Variants in FGR observed in about 807,000 individuals in gnomAD.
FGR encodes tyrosine-protein kinase Fgr.
Under a neutral mutation model 63.2 loss-of-function variants are expected in FGR, and 26 were observed. That is an observed-to-expected ratio of 0.41 (90% CI 0.30 to 0.57). The LOEUF is 0.57. Among genes scored for constraint, FGR ranks in the 20% least tolerant of loss-of-function variants. FGR has a pLI of 0.27. For synonymous variants in FGR, 286 were observed against 277.7 expected, an observed-to-expected ratio of 1.03 and a Z score of -0.30; for missense variants, 511 against 690.8, an observed-to-expected ratio of 0.74 and a Z score of 2.92.
intron 5 of FGR, among the ~76,000 whole-genome samples, chr1:27,620,011 A>G (rs2148526734): frequency 6.6e-6 from 1 of 152,232 alleles, no homozygotes; most frequent in East Asian, 1.9e-4. Context: ...CATCTGTAAA[A>G]TGGGAACAAT....
At chr1:27,623,196 G>A in intron 3 of FGR, 52 bp from the exon 4 acceptor site, 1 of 1,379,482 alleles carries the variant, frequency 7.2e-7, no homozygotes, top group South Asian at 1.2e-5. Context: ...GAAGCACCAA[G>A]GGGGCTGCAC....
intron 11 of FGR, among the ~76,000 whole-genome samples, 191 bp from the exon 12 acceptor site, chr1:27,613,541 A>C (rs1318710980): frequency 6.6e-6 from 1 of 152,028 alleles, no homozygotes; most frequent in Non-Finnish European, 1.5e-5. Context: ...TGTCTCTACT[A>C]AAAATACAAA....
intron 4 of FGR, 75 bp downstream of exon 4, chr1:27,622,967 G>A (rs1057510509): frequency 5.8e-6 from 6 of 1,032,588 alleles, no homozygotes; most frequent in South Asian, 1.3e-5. Context: ...CTGAGGCTAG[G>A]GACCAGGTGG....
chr1:27,618,309 A>G (rs2089854732), intron 5 of FGR, among the ~76,000 whole-genome samples: 1 of 152,190 alleles, frequency 6.6e-6, no homozygotes, highest in Non-Finnish European at 1.5e-5. Flanking sequence ...AATAATCACT[A>G]TAATAATAAC....
rs183900981 is a variant in FGR at position 27,625,668 on chromosome 1, C to T, written c.-76-517G>A. On this transcript the variant is annotated intron_variant, in intron 1 of 12. Transcript: ENST00000374005. The stretch of plus-strand genomic sequence containing the variant: ...AAAAACCAGTTCTTCCGGCCAGGCG[C>T]AGTGGCTCACGCCTATAATCCCAGC... 6.2e-4 allele frequency among the ~76,000 whole-genome samples: 95 copies of T among 152,342 alleles called. 1 individual carries two copies. Among genetic ancestry groups the T allele is most frequent in the African/African-American group, 2.2e-3 (91 of 41,568 alleles).
chr1:27,617,307 A>G lies in FGR; in HGVS notation c.429-11T>C, dbSNP rs1416900743. 1 of 1,606,896 alleles carries G rather than the reference A, an allele frequency of 6.2e-7. No individual in the cohort carries two copies. Among genetic ancestry groups the G allele is most frequent in the Non-Finnish European group, 8.5e-7 (1 of 1,173,602 alleles). On this transcript the variant is annotated splice_polypyrimidine_tract_variant and intron_variant, in intron 5 of 12. Transcript: ENST00000374005. The surrounding 1 kb of genome is among the most constrained non-coding windows in gnomAD (Gnocchi z 4.5). ...TTTCCAAAGTACCACCTGTTGGGAAAGGCAGGCAAGAGTCAGGTACGCTCT... is the reference window on the plus strand; with the variant it reads ...TTTCCAAAGTACCACCTGTTGGGAAGGGCAGGCAAGAGTCAGGTACGCTCT...
chr1:27,614,387 T>A, intron 11 of FGR, 43 bp downstream of exon 11: 1 of 1,592,532 alleles, frequency 6.3e-7, no homozygotes, highest in Non-Finnish European at 8.6e-7. Flanking sequence ...GGAAGTCCCT[T>A]GTTGCATGGG....
chr1:27,612,886 C>T lies in FGR; in HGVS notation c.*28G>A, dbSNP rs377401415. 59 of 1,599,406 alleles carry T rather than the reference C, an allele frequency of 3.7e-5. 1 individual carries two copies. The highest frequency in any genetic ancestry group is 9.0e-5 in the East Asian group (4 of 44,564). On this transcript the variant is annotated 3_prime_UTR_variant, in exon 13 of 13. Transcript: ENST00000374005. ...GGGATTGGCAAGGACTGGTGGCCACCGCCAGAGAGGGTTGATGCCCGGACA... is the reference window on the plus strand; with the variant it reads ...GGGATTGGCAAGGACTGGTGGCCACTGCCAGAGAGGGTTGATGCCCGGACA...
At chr1:27,619,484 C>T (rs2089880872) in intron 5 of FGR, among the ~76,000 whole-genome samples, 1 of 152,212 alleles carries the variant, frequency 6.6e-6, no homozygotes, top group Admixed American at 6.5e-5. Context: ...TGTCACCGCC[C>T]CCAGCCCCCT....
chr1:27,627,987 G>A (rs2090047968), intron 1 of FGR, among the ~76,000 whole-genome samples: 1 of 152,034 alleles, frequency 6.6e-6, no homozygotes, highest in African/African-American at 2.4e-5. Flanking sequence ...AGTCACAGTG[G>A]CTCATATCTG....
At position 27,613,264 on chromosome 1, in the gene FGR, T is replaced by C. The variant is rs1444183227; in HGVS notation, c.1336A>G (p.Ile446Val). Residue 446 changes from isoleucine (I) to valine (V), a missense_variant, in exon 12 of 13, where the codon ATC (isoleucine) becomes GTC (valine). By Grantham distance (29) the Ile-to-Val change is conservative. Coordinates refer to ENST00000374005, the MANE Select transcript of FGR (RefSeq NM_005248.3). ...TTGGTGATGAGCTCAGTGAGCAGGA[T>C]CCCAAAGGACCACACGTCTGACTTG... is the stretch of plus-strand genomic sequence containing the variant. ...TIKSDVWSFG[I>V]LLTELITKGR... 2 of 1,613,972 alleles carry C rather than the reference T, an allele frequency of 1.2e-6. No individual in the cohort carries two copies. Among genetic ancestry groups the C allele is most frequent in the Non-Finnish European group, 1.7e-6 (2 of 1,180,026 alleles).
At chr1:27,629,167 G>A (rs1450450601) in intron 1 of FGR, among the ~76,000 whole-genome samples, 1 of 151,848 alleles carries the variant, frequency 6.6e-6, no homozygotes, top group Non-Finnish European at 1.5e-5. Context: ...AAGAGACAGA[G>A]ACAGAGAAAC....
chr1:27,612,963 T>A lies in FGR; in HGVS notation c.1541A>T (p.Asp514Val). The change falls in exon 13 of 13, where the codon GAC (aspartate) becomes GTC (valine). Residue 514 changes from aspartate (D) to valine (V), a missense_variant. Coordinates refer to ENST00000374005, the MANE Select transcript of FGR (RefSeq NM_005248.3). Reference protein sequence around the residue: ...TFEYLQSFLEDYFTSAEPQYQ... With the variant: ...TFEYLQSFLEVYFTSAEPQYQ... ...CTGTGGTTCAGCGGAGGTGAAGTAG[T>A]CCTCCAGGAAGGACTGCAGGTACTC... 6.2e-7 allele frequency: 1 copy of A among 1,614,154 alleles called. No individual in the cohort carries two copies. Among genetic ancestry groups the A allele is most frequent in the Non-Finnish European group, 8.5e-7 (1 of 1,180,026 alleles).
intron 5 of FGR, among the ~76,000 whole-genome samples, chr1:27,619,918 G>T (rs2089888750): frequency 6.6e-6 from 1 of 152,184 alleles, no homozygotes; most frequent in African/African-American, 2.4e-5. Flanking sequence ...ACTCTGCAAA[G>T]TCTCTTCAAT....
At chr1:27,626,424 C>A in intron 1 of FGR, 1 of 381,594 alleles carries the variant, frequency 2.6e-6, no homozygotes, top group Non-Finnish European at 4.6e-6. Flanking sequence ...TTCCTCTTCT[C>A]TCTGGGTCCT....
chr1:27,617,142 A>G lies in FGR; in HGVS notation c.532+51T>C. On this transcript the variant is annotated intron_variant, in intron 6 of 12. Coordinates refer to ENST00000374005, the MANE Select transcript of FGR (RefSeq NM_005248.3). This position sits in a 1 kb window ranked among gnomAD's most constrained non-coding sequence, Gnocchi z 4.5. ...CAAGCAGCCTACCGCTCCTAGCCCT[A>G]CCCCAATGGCTGGGCCTCCCAGTCG... The G allele has an allele frequency of 6.3e-7, 1 of 1,594,608 alleles. No individual in the cohort carries two copies.
chr1:27,621,415 C>A, intron 5 of FGR, 144 bp downstream of exon 5: 1 of 630,042 alleles, frequency 1.6e-6, no homozygotes, highest in Admixed American at 2.5e-5. Context: ...GTACAATCTT[C>A]TTTTGTTCTC....
rs943174603 is a variant in FGR, at chr1:27,615,705, G to A, written c.822C>T (p.Phe274=). The change falls in exon 8 of 13, where the codon TTC becomes TTT. Residue 274 remains phenylalanine, a synonymous_variant. Transcript: ENST00000374005. The surrounding 1 kb of genome is among the most constrained non-coding windows in gnomAD (Gnocchi z 7.6). ...TLERRLGTGC[F]GDVWLGTWNG... ...GCTCCGTACCCAGCCACACATCCCC[G>A]AAGCAGCCGGTGCCCAGCCGGCGCT... The A allele has an allele frequency of 1.1e-5, 18 of 1,603,280 alleles. No homozygotes were observed. Among genetic ancestry groups the A allele is most frequent in the East Asian group, 2.2e-5 (1 of 44,470 alleles).
intron 1 of FGR, among the ~76,000 whole-genome samples, chr1:27,632,920 A>C (rs563952827): frequency 6.6e-6 from 1 of 152,142 alleles, no homozygotes; most frequent in East Asian, 1.9e-4. Context: ...CCTGGCCCCT[A>C]CTTCCCCAGC....
Sources: allele counts gnomAD v4.1 joint callset (sites outside exome capture counted in the v4.1 genomes callset), GRCh38; gene constraint gnomAD v4.1.1; non-coding constraint Gnocchi (gnomAD v3.1); transcripts MANE v1.5; gene names NCBI Gene and HGNC (gene_info 2026-07-23, HGNC 2026-07-21).